The following RPS6KA2 variants were observed in gnomAD, a reference collection of about 807,000 sequenced individuals.
RPS6KA2 encodes ribosomal protein S6 kinase A2.
In RPS6KA2, 42 loss-of-function variants were observed where a neutral mutation model predicts 91.8. The observed-to-expected ratio is 0.46, with a 90% confidence interval of 0.36 to 0.59. The LOEUF is 0.59. Ranked by LOEUF, RPS6KA2 falls within the 20% of genes least tolerant of loss-of-function variation. RPS6KA2 has a pLI of 0.00. For missense variants in RPS6KA2, 798 were observed against 978.5 expected (o/e 0.82, Z 2.46); for synonymous variants, 414 against 393.6 (o/e 1.05, Z -0.61).
chr6:166,622,006 T>C (rs945047905), intron 1 of RPS6KA2, among the ~76,000 whole-genome samples: 2 of 152,138 alleles, frequency 1.3e-5, no homozygotes, highest in Non-Finnish European at 2.9e-5. Flanking sequence ...TCCAGGTAAA[T>C]GGTAAGTCAG....
In RPS6KA2 at chr6:166,860,277, T is replaced by A. The variant is rs184480329; in HGVS notation, c.63+1831A>T. Among the ~76,000 whole-genome samples, 115 of 152,290 alleles carry A rather than the reference T, an allele frequency of 7.6e-4. No homozygotes were observed. In the East Asian group the frequency reaches 0.021, roughly 28 times the overall value. ...CACCAGCTGTGCTCTCCTGAAAAAA[T>A]TCAGCTAAGAAGCCTGAAAAAAATT... On this transcript the variant is annotated intron_variant, in intron 1 of 21. Transcript: ENST00000503859.
At chr6:166,771,179 C>T (rs1026759828) in intron 2 of RPS6KA2, among the ~76,000 whole-genome samples, 5 of 152,174 alleles carry the variant, frequency 3.3e-5, no homozygotes, top group Admixed American at 2.0e-4. Flanking sequence ...GGTGTCCCAT[C>T]ACCAACCTCA....
intron 1 of RPS6KA2, among the ~76,000 whole-genome samples, chr6:166,592,390 T>A (rs1291410045): frequency 6.6e-6 from 1 of 152,174 alleles, no homozygotes; most frequent in East Asian, 1.9e-4. Context: ...GGGGACTACT[T>A]ATTCACCCAA....
chr6:166,496,975 C>T (rs1350698575), intron 8 of RPS6KA2, among the ~76,000 whole-genome samples: 1 of 152,234 alleles, frequency 6.6e-6, no homozygotes. Context: ...CCCTCACCCA[C>T]CACTCACCAG....
rs183691383 is a variant in RPS6KA2, at chr6:166,480,991, G to A, written c.907+7842C>T. The stretch of plus-strand genomic sequence containing the variant: ...GTTTTTCTAAACCTTGATGCTTTTC[G>A]CCCAATTTTTCTATAGAATAAAAAT... On this transcript the variant is annotated intron_variant, in intron 10 of 20. Coordinates refer to ENST00000265678, the MANE Select transcript of RPS6KA2 (RefSeq NM_021135.6). Among the ~76,000 whole-genome samples, 235 of 151,982 alleles carry A rather than the reference G, an allele frequency of 1.5e-3. 1 individual carries two copies. The highest frequency in any genetic ancestry group is 5.1e-3 in the African/African-American group (211 of 41,422).
At chr6:166,428,710 A>C (rs1779014225) in intron 16 of RPS6KA2, among the ~76,000 whole-genome samples, 1 of 152,194 alleles carries the variant, frequency 6.6e-6, no homozygotes, top group African/African-American at 2.4e-5. Flanking sequence ...AAAAATGCTC[A>C]CCATCACTGG....
chr6:166,527,662 A>T (rs544584762), intron 3 of RPS6KA2, among the ~76,000 whole-genome samples: 8 of 152,256 alleles, frequency 5.3e-5, no homozygotes, highest in Admixed American at 3.3e-4. Context: ...GGTTTTAAAG[A>T]TTTTAATCAC....
intron 2 of RPS6KA2, among the ~76,000 whole-genome samples, chr6:166,810,099 G>A (rs185521509): frequency 5.2e-4 from 79 of 152,278 alleles, no homozygotes; most frequent in South Asian, 2.3e-3. Context: ...AGGATGGAGC[G>A]AGTGCACGCA....
upstream of RPS6KA2, among the ~76,000 whole-genome samples, chr6:166,631,210 G>A (rs1377898271): frequency 6.6e-6 from 1 of 152,230 alleles, no homozygotes; most frequent in Non-Finnish European, 1.5e-5. Context: ...CAGAAATAAA[G>A]CTCTAATGGT....
chr6:166,619,506 C>T (rs1333282666), intron 1 of RPS6KA2, among the ~76,000 whole-genome samples: 1 of 152,252 alleles, frequency 6.6e-6, no homozygotes, highest in African/African-American at 2.4e-5. Flanking sequence ...GCAGCAGTCT[C>T]TCCAGGGCTT....
At chr6:166,430,326 A>AT in intron 16 of RPS6KA2, 127 bp downstream of exon 16, 1 of 868,806 alleles carries the variant, frequency 1.2e-6, no homozygotes, top group Non-Finnish European at 1.8e-6. Flanking sequence ...AAGAGAGACG[A>AT]TGGTGGCACG....
intron 4 of RPS6KA2, 132 bp downstream of exon 4, chr6:166,510,145 C>T (rs1248477031): frequency 2.1e-5 from 10 of 483,244 alleles, no homozygotes; most frequent in Non-Finnish European, 3.3e-5. Context: ...ACCTTCCTCC[C>T]CAGGCAGGGC....
At chr6:166,590,636 G>A (rs897774575) in intron 1 of RPS6KA2, among the ~76,000 whole-genome samples, 2 of 152,252 alleles carry the variant, frequency 1.3e-5, no homozygotes, top group Non-Finnish European at 2.9e-5. Flanking sequence ...ACACACGCAC[G>A]TGCATAACTG....
At chr6:166,829,791 A>G (rs1490589892) in intron 2 of RPS6KA2, among the ~76,000 whole-genome samples, 4 of 151,912 alleles carry the variant, frequency 2.6e-5, no homozygotes, top group East Asian at 3.9e-4. Context: ...TATACCTACA[A>G]TGGAACACCG....
At chr6:166,708,081 G>GA (rs1446170119) in intron 2 of RPS6KA2, among the ~76,000 whole-genome samples, 1 of 151,906 alleles carries the variant, frequency 6.6e-6, no homozygotes, top group Non-Finnish European at 1.5e-5. Context: ...TACAACCACA[G>GA]AAAAAAGGAA....
intron 16 of RPS6KA2, among the ~76,000 whole-genome samples, chr6:166,424,608 CAT>C (rs375092188): frequency 1.1e-4 from 16 of 152,182 alleles, no homozygotes; most frequent in African/African-American, 3.9e-4. Context: ...GCCACCTACT[CAT>C]GTGTGACCTT....
At chr6:166,633,590 G>C (rs1051413496) in intron 2 of RPS6KA2, among the ~76,000 whole-genome samples, 1 of 152,060 alleles carries the variant, frequency 6.6e-6, no homozygotes, top group Non-Finnish European at 1.5e-5. Context: ...TTATTCACTC[G>C]GTTAATCCAG....
intron 6 of RPS6KA2, among the ~76,000 whole-genome samples, chr6:166,503,443 G>A (rs1002654620): frequency 6.6e-6 from 1 of 152,222 alleles, no homozygotes; most frequent in African/African-American, 2.4e-5. Context: ...CAGGTGACAG[G>A]GCAGGAATGT....
chr6:166,786,518 CAA>C (rs1376009640), intron 2 of RPS6KA2, among the ~76,000 whole-genome samples: 5 of 151,432 alleles, frequency 3.3e-5, no homozygotes, highest in African/African-American at 1.2e-4. Context: ...ATTGCATCAA[CAA>C]AGATTTGTAG....
Sources: gnomAD v4.1 joint callset for allele counts (sites outside exome capture counted in the v4.1 genomes callset) on GRCh38, gnomAD v4.1.1 for gene constraint, MANE v1.5 for transcripts, NCBI Gene and HGNC (gene_info 2026-07-23, HGNC 2026-07-21) for gene names.